CNTN6: variants seen among roughly 807,000 people sequenced by gnomAD.
CNTN6 encodes contactin 6, also known as contactin-6.
A neutral mutation model predicts 122.8 loss-of-function variants in CNTN6; 137 were observed. That is an observed-to-expected ratio of 1.12 (90% CI 0.97 to 1.29). The LOEUF (loss-of-function observed/expected upper bound fraction) is 1.29, where lower values mean the gene tolerates loss of function less well. CNTN6 is among the 50% of genes most tolerant of loss of function. CNTN6 has a pLI of 0.00. For synonymous variants in CNTN6, 570 were observed against 426.0 expected (o/e 1.34, Z -4.16); for missense variants, 1,634 against 1,223.4 (o/e 1.34, Z -5.01).
chr3:1,382,584 A>G (rs773920100), intron 17 of CNTN6, among the ~76,000 whole-genome samples: 12 of 152,222 alleles, frequency 7.9e-5, no homozygotes, highest in African/African-American at 1.7e-4. Context: ...TAAATAGTTA[A>G]GAAGTTAATT....
At chr3:1,168,651 G>C (rs2093304930) in intron 2 of CNTN6, among the ~76,000 whole-genome samples, 2 of 151,880 alleles carry the variant, frequency 1.3e-5, no homozygotes, top group South Asian at 2.1e-4. Context: ...CCCAGGTCTG[G>C]GATAAATATC....
chr3:1,327,583 T>C lies in CNTN6; in HGVS notation c.1210T>C (p.Leu404=), dbSNP rs1245852175. The C allele has an allele frequency of 6.2e-7, 1 of 1,609,312 alleles. No individual in the cohort carries two copies. Among genetic ancestry groups the C allele is most frequent in the Non-Finnish European group, 8.5e-7 (1 of 1,177,468 alleles). ...IIYANAELRV[L]ASAPDFSKSP... ...TTATGCAAATGCTGAATTGAGAGTT[T>C]TAGGTAAGTCGTTTATTTACAACCA... Residue 404 remains leucine, a synonymous_variant, in exon 10 of 23, where the codon TTA becomes CTA. Transcript: ENST00000446702.
intron 2 of CNTN6, among the ~76,000 whole-genome samples, chr3:1,210,987 A>T (rs1247690977): frequency 2.0e-5 from 3 of 152,126 alleles, no homozygotes; most frequent in East Asian, 3.9e-4. Flanking sequence ...TGTAAATGTG[A>T]CTCACTGCTG....
chr3:1,157,537 ATTAAG>A (rs1442907043), intron 2 of CNTN6, among the ~76,000 whole-genome samples: 1 of 152,156 alleles, frequency 6.6e-6, no homozygotes, highest in East Asian at 1.9e-4. Flanking sequence ...CAAATGTGCA[ATTAAG>A]TTATTATTGA....
In CNTN6 at chr3:1,288,724, A is replaced by C. The variant is rs17037192; in HGVS notation, c.455-6877A>C. 9.7e-3 allele frequency among the ~76,000 whole-genome samples: 1,477 copies of C among 152,318 alleles called. 31 individuals carry two copies. Among genetic ancestry groups the C allele is most frequent in the African/African-American group, 0.034 (1,411 of 41,568 alleles). On this transcript the variant is annotated intron_variant, in intron 5 of 22. Transcript: ENST00000446702. ...TCACATGAGATATTTTTCCTCTAATAAAAATTACATGCTATATAATGGGTA... is the reference window on the plus strand; with the variant it reads ...TCACATGAGATATTTTTCCTCTAATCAAAATTACATGCTATATAATGGGTA...
chr3:1,185,342 A>T (rs1437689191), intron 2 of CNTN6, among the ~76,000 whole-genome samples: 1 of 152,136 alleles, frequency 6.6e-6, no homozygotes, highest in African/African-American at 2.4e-5. Flanking sequence ...TTTAAAAAAG[A>T]TGTTTCTAAA....
At chr3:1,100,792 C>T (rs2090848606) in intron 1 of CNTN6, among the ~76,000 whole-genome samples, 1 of 151,940 alleles carries the variant, frequency 6.6e-6, no homozygotes, top group Non-Finnish European at 1.5e-5. Context: ...TGCTATTCTG[C>T]TTGTTCTTAA....
chr3:1,330,334 C>T (rs174738), intron 11 of CNTN6, among the ~76,000 whole-genome samples: 1,696 of 151,972 alleles, frequency 0.011, 34 homozygotes, highest in African/African-American at 0.039. Flanking sequence ...CACAGGTGTT[C>T]ACCCCATGAC....
intron 7 of CNTN6, among the ~76,000 whole-genome samples, chr3:1,304,498 T>C (rs188308342): frequency 1.3e-5 from 2 of 152,332 alleles, no homozygotes; most frequent in African/African-American, 4.8e-5. Context: ...CTTCTAAGTA[T>C]CTGACTTACT....
At chr3:1,172,438 C>T (rs2093373241) in intron 2 of CNTN6, among the ~76,000 whole-genome samples, 1 of 152,204 alleles carries the variant, frequency 6.6e-6, no homozygotes, top group African/African-American at 2.4e-5. Flanking sequence ...TATAATATTA[C>T]TTCATTTAAT....
At chr3:1,287,921 C>T (rs1005216991) in intron 5 of CNTN6, among the ~76,000 whole-genome samples, 3 of 152,174 alleles carry the variant, frequency 2.0e-5, no homozygotes, top group African/African-American at 7.2e-5. Flanking sequence ...GGAATAACCA[C>T]GAAAATAGCC....
At position 1,377,026 on chromosome 3, in the gene CNTN6, A is replaced by G. The variant is rs1709960531; in HGVS notation, c.2117A>G (p.Asn706Ser). 3 of 1,606,616 alleles carry G rather than the reference A, an allele frequency of 1.9e-6. No individual in the cohort carries two copies. Among genetic ancestry groups the G allele is most frequent in the Non-Finnish European group, 1.7e-6 (2 of 1,176,076 alleles). The change falls in exon 17 of 23, where the codon AAC (asparagine) becomes AGC (serine). Residue 706 changes from asparagine (N) to serine (S), a missense_variant. Transcript: ENST00000446702. Reference sequence around the variant, plus strand: ...TTAGTCCCTGTTGTGGCACCAGTAAACATCCATGGAGGTGGAGGAAGTCGG... The same window carrying G: ...TTAGTCCCTGTTGTGGCACCAGTAAGCATCCATGGAGGTGGAGGAAGTCGG... Reference protein sequence around the residue: ...KASVPVVAPVNIHGGGGSRSE... With the variant: ...KASVPVVAPVSIHGGGGSRSE...
chr3:1,278,128 G>T (rs1208869196), intron 4 of CNTN6, among the ~76,000 whole-genome samples: 1 of 152,156 alleles, frequency 6.6e-6, no homozygotes, highest in East Asian at 1.9e-4. Context: ...TATGTGTTGG[G>T]CTTCACAGAT....
chr3:1,307,323 T>C (rs1395835601), intron 7 of CNTN6, among the ~76,000 whole-genome samples: 1 of 152,184 alleles, frequency 6.6e-6, no homozygotes, highest in African/African-American at 2.4e-5. Context: ...TAGGCTATTA[T>C]TTAAGGGTTT....
intron 22 of CNTN6, 117 bp downstream of exon 22, chr3:1,402,603 C>A: frequency 3.6e-6 from 3 of 837,362 alleles, no homozygotes; most frequent in South Asian, 2.4e-5. Flanking sequence ...GATAAATTTT[C>A]AATTGTGAGC....
At chr3:1,181,987 A>C (rs1323959841) in intron 2 of CNTN6, among the ~76,000 whole-genome samples, 1 of 152,096 alleles carries the variant, frequency 6.6e-6, no homozygotes, top group Non-Finnish European at 1.5e-5. Context: ...CACTCATCAC[A>C]GAACATCTCT....
intron 5 of CNTN6, among the ~76,000 whole-genome samples, chr3:1,286,372 A>T (rs551089395): frequency 5.3e-5 from 8 of 151,874 alleles, no homozygotes; most frequent in Non-Finnish European, 1.0e-4. Context: ...AGTAGGCCCC[A>T]GTGTGTGATG....
chr3:1,156,844 A>G (rs1019682519), intron 2 of CNTN6, among the ~76,000 whole-genome samples: 5 of 151,990 alleles, frequency 3.3e-5, no homozygotes, highest in African/African-American at 1.2e-4. Context: ...CAGCCTCCTG[A>G]GTAGCTGGGA....
In CNTN6 at chr3:1,387,632, G is replaced by T. The variant is rs1230203866; in HGVS notation, c.2704+1835G>T. 1.3e-5 allele frequency among the ~76,000 whole-genome samples: 2 copies of T among 152,172 alleles called. 1 individual carries two copies. The highest frequency in any genetic ancestry group is 2.9e-5 in the Non-Finnish European group (2 of 68,040). Reference sequence around the variant, plus strand: ...CTCCCAGTGAAGACGCGTGATTTCTGCATTTCCATCTGAGGTACCCGGTTC... The same window carrying T: ...CTCCCAGTGAAGACGCGTGATTTCTTCATTTCCATCTGAGGTACCCGGTTC... On this transcript the variant is annotated intron_variant, in intron 20 of 22. Coordinates refer to ENST00000446702, the MANE Select transcript of CNTN6 (RefSeq NM_001289080.2).
Sources: gnomAD v4.1 joint callset for allele counts (sites outside exome capture counted in the v4.1 genomes callset) on GRCh38, gnomAD v4.1.1 for gene constraint, MANE v1.5 for transcripts, NCBI Gene and HGNC (gene_info 2026-07-23, HGNC 2026-07-21) for gene names.